The following FGF19 variants were observed in gnomAD, a reference collection of about 807,000 sequenced individuals.
FGF19 encodes fibroblast growth factor 19, also known as FGF-19.
In FGF19, 5 loss-of-function variants were observed where a neutral mutation model predicts 8.9. The ratio of observed to expected loss-of-function variants is 0.56; its 90% confidence interval spans 0.29 to 1.18. The LOEUF (loss-of-function observed/expected upper bound fraction) is 1.18. Ranked by LOEUF, FGF19 falls within the 50% of genes most tolerant of loss-of-function variation. The pLI is 0.08. For missense variants in FGF19, 237 were observed against 293.9 expected (o/e 0.81, Z 1.42); for synonymous variants, 124 against 128.0 (o/e 0.97, Z 0.21).
In FGF19 at chr11:69,698,985, G is replaced by C. The variant is rs1342519622; in HGVS notation, c.*277C>G. 1 of 407,992 alleles carries C rather than the reference G, an allele frequency of 2.5e-6. No homozygotes were observed. Among genetic ancestry groups the C allele is most frequent in the Admixed American group, 4.1e-5 (1 of 24,446 alleles). 25.3% of individuals were successfully genotyped at this position (407,992 alleles called of 1,614,324 possible). A position where few individuals can be genotyped will look rare whatever the true frequency, so the allele number is the denominator to read the frequency against. ...GATGGAGGTATTCAAGCAGAACTGA[G>C]ACAGTGCAGCAGCTTGTCCAGCAAC... On this transcript the variant is annotated 3_prime_UTR_variant, in exon 3 of 3. Coordinates refer to ENST00000294312, the MANE Select transcript of FGF19 (RefSeq NM_005117.3).
At position 69,699,399 on chromosome 11, in the gene FGF19, C is replaced by T; in HGVS notation, c.514G>A (p.Val172Ile). Residue 172 changes from valine to isoleucine, a missense_variant, in exon 3 of 3, where the codon GTC becomes ATC. Coordinates refer to ENST00000294312, the MANE Select transcript of FGF19 (RefSeq NM_005117.3). Reference sequence around the variant, plus strand: ...CTGAGGTCCTCAGGCTCCTCTGGGACCATGGGCAGCATGGGCAGGAAATGA... The same window carrying T: ...CTGAGGTCCTCAGGCTCCTCTGGGATCATGGGCAGCATGGGCAGGAAATGA... ...LSHFLPMLPM[V>I]PEEPEDLRGH... 1.2e-6 allele frequency: 2 copies of T among 1,614,156 alleles called. No homozygotes were observed. Among genetic ancestry groups the T allele is most frequent in the Non-Finnish European group, 1.7e-6 (2 of 1,180,048 alleles).
rs1382308026 is a variant in FGF19, at chr11:69,699,382, C to G, written c.531G>C (p.Glu177Asp). Residue 177 changes from glutamate to aspartate, a missense_variant, in exon 3 of 3, where the codon GAG (glutamate) becomes GAC (aspartate). By Grantham distance (45) the Glu-to-Asp change is conservative. Transcript: ENST00000294312. ...PMLPMVPEEP[E>D]DLRGHLESDM... ...CAGATTCCAAGTGGCCCCTGAGGTC[C>G]TCAGGCTCCTCTGGGACCATGGGCA... 6.2e-7 allele frequency: 1 copy of G among 1,614,200 alleles called. No individual in the cohort carries two copies. Among genetic ancestry groups the G allele is most frequent in the South Asian group, 1.1e-5 (1 of 91,074 alleles).
In FGF19 at chr11:69,698,808, G is replaced by A. The variant is rs558747482; in HGVS notation, c.*454C>T. The A allele has an allele frequency of 1.3e-5, 3 of 222,976 alleles. No homozygotes were observed. The highest frequency in any genetic ancestry group is 2.7e-5 in the Non-Finnish European group (3 of 110,154). The allele number at this position is 222,976 out of a possible 1,614,324, so 13.8% of individuals were successfully genotyped here. A position where few individuals can be genotyped will look rare whatever the true frequency, so the allele number is the denominator to read the frequency against. Reference sequence around the variant, plus strand: ...GATCAATTCCCACATGGGGTTGAGTGAAATTTACCTGCTGTTTTACAGAGT... The same window carrying A: ...GATCAATTCCCACATGGGGTTGAGTAAAATTTACCTGCTGTTTTACAGAGT... On this transcript the variant is annotated 3_prime_UTR_variant, in exon 3 of 3. Coordinates refer to ENST00000294312, the MANE Select transcript of FGF19 (RefSeq NM_005117.3).
chr11:69,699,431 G>A lies in FGF19; in HGVS notation c.482C>T (p.Pro161Leu). ...CAGCATGGGCAGGAAATGAGAGAGT[G>A]GAAGAAAGCCTCTGTTCTTGTACAG... is the stretch of plus-strand genomic sequence containing the variant. The part of the protein sequence containing the change: ...RQLYKNRGFL[P>L]LSHFLPMLPM... The change falls in exon 3 of 3, where the codon CCA becomes CTA. Residue 161 changes from proline to leucine, a missense_variant. By Grantham distance (98) the Pro-to-Leu change is moderately conservative (BLOSUM62 -3). Coordinates refer to ENST00000294312, the MANE Select transcript of FGF19 (RefSeq NM_005117.3). The A allele has an allele frequency of 1.2e-6, 2 of 1,614,184 alleles. No individual in the cohort carries two copies. Among genetic ancestry groups the A allele is most frequent in the Non-Finnish European group, 1.7e-6 (2 of 1,180,030 alleles).
In FGF19 at chr11:69,703,602, G is replaced by C. The variant is rs1356316622; in HGVS notation, c.232+43C>G. 1.9e-6 allele frequency: 2 copies of C among 1,030,346 alleles called. No individual in the cohort carries two copies. The highest frequency in any genetic ancestry group is 4.3e-5 in the Admixed American group (1 of 23,086). 63.8% of individuals were successfully genotyped at this position (1,030,346 alleles called of 1,614,324 possible). ...GGGTGGGGCGCGCGCAGCGGGGTGG[G>C]GTGCGCGCGGCGGGGCGGGCGGGGG... is the stretch of plus-strand genomic sequence containing the variant. On this transcript the variant is annotated intron_variant, in intron 1 of 2. Transcript: ENST00000294312. The surrounding 1 kb of genome is among the most constrained non-coding windows in gnomAD (Gnocchi z 6.8).
chr11:69,699,575 A>C lies in FGF19; in HGVS notation c.338T>G (p.Leu113Arg). 1 of 1,604,432 alleles carries C rather than the reference A, an allele frequency of 6.2e-7. No homozygotes were observed. Among genetic ancestry groups the C allele is most frequent in the Non-Finnish European group, 8.5e-7 (1 of 1,174,396 alleles). The change falls in exon 3 of 3, where the codon CTT becomes CGT. Residue 113 changes from leucine to arginine, a missense_variant and splice_region_variant. Transcript: ENST00000294312. ...AGCACAGTCTTCCTCCGAGTACTGAAGCTGCAGAGAAAACAGGCAGCTCTG... is the reference window on the plus strand; with the variant it reads ...AGCACAGTCTTCCTCCGAGTACTGACGCTGCAGAGAAAACAGGCAGCTCTG... The part of the protein sequence containing the change: ...MGADGKMQGL[L>R]QYSEEDCAFE...
Position 69,699,442 on chromosome 11 carries a change from T to C in FGF19, c.471A>G (p.Arg157=). Residue 157 remains arginine, a synonymous_variant, in exon 3 of 3, where the codon AGA becomes AGG. Transcript: ENST00000294312. ...GGAAATGAGAGAGTGGAAGAAAGCC[T>C]CTGTTCTTGTACAGCTGCCGCTGTT... ...SAKQRQLYKN[R]GFLPLSHFLP... is the part of the protein sequence containing the mutation. 6.2e-7 allele frequency: 1 copy of C among 1,614,190 alleles called. No individual in the cohort carries two copies. Among genetic ancestry groups the C allele is most frequent in the African/African-American group, 1.3e-5 (1 of 75,054 alleles).
At chr11:69,699,956 G>A (rs1449695931) in intron 2 of FGF19, among the ~76,000 whole-genome samples, 1 of 151,890 alleles carries the variant, frequency 6.6e-6, no homozygotes, top group East Asian at 1.9e-4. Flanking sequence ...TCATGGAGGT[G>A]GGCGCCTGTA....
In FGF19 at chr11:69,702,413, A is replaced by G. The variant is rs1198762772; in HGVS notation, c.336+848T>C. 6.6e-6 allele frequency among the ~76,000 whole-genome samples: 1 copy of G among 151,974 alleles called. No homozygotes were observed. Among genetic ancestry groups the G allele is most frequent in the Non-Finnish European group, 1.5e-5 (1 of 67,964 alleles). On this transcript the variant is annotated intron_variant, in intron 2 of 2. Coordinates refer to ENST00000294312, the MANE Select transcript of FGF19 (RefSeq NM_005117.3). This position sits in a 1 kb window ranked among gnomAD's most constrained non-coding sequence, Gnocchi z 4.6. ...CCCCCGCCCTGGCCCCTGCTCCGCCAGGGAGTCCGGGGCTGCGTGTGAGGC... is the reference window on the plus strand; with the variant it reads ...CCCCCGCCCTGGCCCCTGCTCCGCCGGGGAGTCCGGGGCTGCGTGTGAGGC...
Position 69,699,225 on chromosome 11 carries a change from C to T in FGF19, c.*37G>A, listed in dbSNP as rs1314931160. ...TCCCCCACGCTGCAGGTACCACAGC[C>T]CCTGGCAGCAGTGAAGAGGCCCGGG... On this transcript the variant is annotated 3_prime_UTR_variant, in exon 3 of 3. Transcript: ENST00000294312. 1.3e-6 allele frequency: 2 copies of T among 1,501,130 alleles called. No homozygotes were observed. Among genetic ancestry groups the T allele is most frequent in the Middle Eastern group, 1.8e-4 (1 of 5,642 alleles). 93.0% of individuals were successfully genotyped at this position (1,501,130 alleles called of 1,614,324 possible).
Position 69,703,472 on chromosome 11 carries a change from G to A in FGF19, c.233-108C>T. The A allele has an allele frequency of 1.1e-6, 1 of 937,064 alleles. No homozygotes were observed. The highest frequency in any genetic ancestry group is 1.8e-5 in the South Asian group (1 of 54,780). 58.0% of individuals were successfully genotyped at this position (937,064 alleles called of 1,614,324 possible). ...TTCTCCCTAGCGTCCCGCGCTGTTT[G>A]GGGACTAACGGAGGGATCCTAACGT... On this transcript the variant is annotated intron_variant, in intron 1 of 2. Transcript: ENST00000294312. The surrounding 1 kb of genome is among the most constrained non-coding windows in gnomAD (Gnocchi z 6.8).
chr11:69,698,385 G>C lies in FGF19; in HGVS notation c.*877C>G, dbSNP rs1854729690. 1 of 186,952 alleles carries C rather than the reference G, an allele frequency of 5.3e-6. No homozygotes were observed. The highest frequency in any genetic ancestry group is 2.0e-4 in the South Asian group (1 of 5,122). The allele number at this position is 186,952 out of a possible 1,614,324, so 11.6% of individuals were successfully genotyped here. A position where few individuals can be genotyped will look rare whatever the true frequency, so the allele number is the denominator to read the frequency against. On this transcript the variant is annotated 3_prime_UTR_variant, in exon 3 of 3. Coordinates refer to ENST00000294312, the MANE Select transcript of FGF19 (RefSeq NM_005117.3). ...ATCATGTTGGAAAACCAAGTGCTGG[G>C]GAAAGGGTTCTAGGTCTTCCCCCGC...
In FGF19 at chr11:69,699,509, C is replaced by T. The variant is rs147498407; in HGVS notation, c.404G>A (p.Arg135Gln). 71 of 1,614,118 alleles carry T rather than the reference C, an allele frequency of 4.4e-5. No individual in the cohort carries two copies. In the African/African-American group the frequency reaches 8.3e-4, roughly 19 times the overall value. The part of the protein sequence containing the change: ...EIRPDGYNVY[R>Q]SEKHRLPVSL... Reference sequence around the variant, plus strand: ...GACCGGGAGGCGGTGCTTCTCGGATCGGTACACATTGTAGCCATCTGGGCG... The same window carrying T: ...GACCGGGAGGCGGTGCTTCTCGGATTGGTACACATTGTAGCCATCTGGGCG... The change falls in exon 3 of 3, where the codon CGA (arginine) becomes CAA (glutamine). Residue 135 changes from arginine (R) to glutamine (Q), a missense_variant. By Grantham distance (43) the Arg-to-Gln change is conservative. Coordinates refer to ENST00000294312, the MANE Select transcript of FGF19 (RefSeq NM_005117.3).
rs1377608611 is a variant in FGF19, at chr11:69,702,027, A to G, written c.336+1234T>C. ...GGGATTTCAGGTGACCCAACCCCCA[A>G]TTTGGGCAGAATGGCGGGTTAGGTT... is the stretch of plus-strand genomic sequence containing the variant. On this transcript the variant is annotated intron_variant, in intron 2 of 2. Transcript: ENST00000294312. The surrounding 1 kb of genome is among the most constrained non-coding windows in gnomAD (Gnocchi z 4.6). Among the ~76,000 whole-genome samples the G allele has an allele frequency of 4.7e-5, 7 of 149,582 alleles. No homozygotes were observed. Among genetic ancestry groups the G allele is most frequent in the East Asian group, 1.9e-4 (1 of 5,130 alleles).
At position 69,702,889 on chromosome 11, in the gene FGF19, G is replaced by C. The variant is rs1330307298; in HGVS notation, c.336+372C>G. 6.6e-6 allele frequency among the ~76,000 whole-genome samples: 1 copy of C among 152,076 alleles called. No individual in the cohort carries two copies. The highest frequency in any genetic ancestry group is 1.5e-5 in the Non-Finnish European group (1 of 68,008). On this transcript the variant is annotated intron_variant, in intron 2 of 2. Transcript: ENST00000294312. The surrounding 1 kb of genome is among the most constrained non-coding windows in gnomAD (Gnocchi z 4.6). ...TCTTTTATACTGGAGGGAGGGAAAC[G>C]GAGGCGAGGACCACACACGCGCAGG...
intron 2 of FGF19, among the ~76,000 whole-genome samples, chr11:69,700,766 C>CACAGG (rs1854759761): frequency 6.6e-6 from 1 of 151,196 alleles, no homozygotes; most frequent in Non-Finnish European, 1.5e-5. Context: ...CAGCCCCTCC[C>CACAGG]CCAGGCCAGG....
In FGF19 at chr11:69,703,404, T is replaced by A. The variant is rs1413651901; in HGVS notation, c.233-40A>T. ...AGCGAGAAGCTGCAGCAAGGACCGCTGGGCCCGCACCACGTGGGTGCGGTC... is the reference window on the plus strand; with the variant it reads ...AGCGAGAAGCTGCAGCAAGGACCGCAGGGCCCGCACCACGTGGGTGCGGTC... On this transcript the variant is annotated intron_variant, in intron 1 of 2. Transcript: ENST00000294312. This position sits in a 1 kb window ranked among gnomAD's most constrained non-coding sequence, Gnocchi z 6.8. 1 of 1,495,228 alleles carries A rather than the reference T, an allele frequency of 6.7e-7. No individual in the cohort carries two copies. The highest frequency in any genetic ancestry group is 9.2e-7 in the Non-Finnish European group (1 of 1,092,452). 92.6% of individuals were successfully genotyped at this position (1,495,228 alleles called of 1,614,324 possible).
At position 69,703,963 on chromosome 11, in the gene FGF19, G is replaced by GGGA. The variant is rs1174016927; in HGVS notation, c.-88_-87insTCC. The GGGA allele has an allele frequency of 1.2e-6, 1 of 800,184 alleles. No individual in the cohort carries two copies. The highest frequency in any genetic ancestry group is 1.8e-5 in the African/African-American group (1 of 56,002). The allele number at this position is 800,184 out of a possible 1,614,324, so 49.6% of individuals were successfully genotyped here. A position where few individuals can be genotyped will look rare whatever the true frequency, so the allele number is the denominator to read the frequency against. Reference sequence around the variant, plus strand: ...ACCGGGATGCGCTGCGGGGCTGTGAGTGCCGGGTTGGGATGGTCGTGGCCC... The same window carrying GGGA: ...ACCGGGATGCGCTGCGGGGCTGTGAGGGATGCCGGGTTGGGATGGTCGTGGCCC... On this transcript the variant is annotated 5_prime_UTR_variant, in exon 1 of 3. Transcript: ENST00000294312. This position sits in a 1 kb window ranked among gnomAD's most constrained non-coding sequence, Gnocchi z 6.8.
chr11:69,703,760 G>A lies in FGF19; in HGVS notation c.117C>T (p.Gly39=), dbSNP rs767954150. Residue 39 remains glycine, a synonymous_variant, in exon 1 of 3, where the codon GGC becomes GGT. Transcript: ENST00000294312. This position sits in a 1 kb window ranked among gnomAD's most constrained non-coding sequence, Gnocchi z 6.8. The part of the protein sequence containing the change: ...DAGPHVHYGW[G]DPIRLRHLYT... ...ACAGGTGCCGCAGGCGGATGGGGTC[G>A]CCCCAGCCGTAGTGCACGTGGGGCC... 1 of 1,233,904 alleles carries A rather than the reference G, an allele frequency of 8.1e-7. No homozygotes were observed. The highest frequency in any genetic ancestry group is 1.0e-6 in the Non-Finnish European group (1 of 988,708). The allele number at this position is 1,233,904 out of a possible 1,614,324, so 76.4% of individuals were successfully genotyped here.
Sources: gnomAD v4.1 joint callset for allele counts (sites outside exome capture counted in the v4.1 genomes callset) on GRCh38, gnomAD v4.1.1 for gene constraint, Gnocchi (gnomAD v3.1) non-coding constraint, MANE v1.5 for transcripts, NCBI Gene and HGNC (gene_info 2026-07-23, HGNC 2026-07-21) for gene names.